MYH2: variants seen among roughly 807,000 people sequenced by gnomAD.
MYH2 encodes myosin heavy chain 2.
In MYH2, 139 loss-of-function variants were observed where a neutral mutation model predicts 228.1. That is an observed-to-expected ratio of 0.61 (90% CI 0.53 to 0.70). The LOEUF (loss-of-function observed/expected upper bound fraction) is 0.70. Ranked by LOEUF, MYH2 falls within the 30% of genes least tolerant of loss-of-function variation. MYH2 has a pLI of 0.00. For synonymous variants in MYH2, 796 were observed against 871.1 expected (o/e 0.91, Z 1.52); for missense variants, 1,809 against 2,357.5 (o/e 0.77, Z 4.82).
Position 10,539,271 on chromosome 17 carries a change from C to T in MYH2, c.1350G>A (p.Leu450=). ...AGTACTGCCTGGGCTGCTTGGTGTC[C>T]AGCTGCTGGTTGATGCGGGCAACCA... ...LWMVARINQQ[L]DTKQPRQYFI... The change falls in exon 14 of 40, where the codon CTG becomes CTA. Residue 450 remains leucine, a synonymous_variant. Coordinates refer to ENST00000245503, the MANE Select transcript of MYH2 (RefSeq NM_017534.6). The T allele has an allele frequency of 1.4e-5, 22 of 1,614,170 alleles. No homozygotes were observed. Among genetic ancestry groups the T allele is most frequent in the Non-Finnish European group, 1.9e-5 (22 of 1,180,022 alleles).
Position 10,545,263 on chromosome 17 carries a change from T to C in MYH2, c.505+83A>G, listed in dbSNP as rs2073612279. On this transcript the variant is annotated intron_variant, in intron 5 of 39. Coordinates refer to ENST00000245503, the MANE Select transcript of MYH2 (RefSeq NM_017534.6). The stretch of plus-strand genomic sequence containing the variant: ...AACTAAAAGGGACGATCTCAAGGAA[T>C]GTGTTGAGATTGCCTCGAGTCTCTT... The C allele has an allele frequency of 2.1e-5, 33 of 1,608,116 alleles. No homozygotes were observed. In the South Asian group the frequency reaches 3.6e-4, roughly 18 times the overall value.
chr17:10,525,547 G>C lies in MYH2; in HGVS notation c.4441C>G (p.Arg1481Gly). Residue 1481 changes from arginine (R) to glycine (G), a missense_variant, in exon 32 of 40, where the codon CGT becomes GGT. Transcript: ENST00000245503. This position sits in a 1 kb window ranked among gnomAD's most constrained non-coding sequence, Gnocchi z 4.2. ...AELEASQKEA[R>G]SLGTELFKIK... ...TTGAACAGCTCAGTGCCAAGGGAAC[G>C]GGCCTCCTTCTGGGAGGCCTCAAGC... 1.9e-6 allele frequency: 3 copies of C among 1,614,124 alleles called. No homozygotes were observed. Among genetic ancestry groups the C allele is most frequent in the Non-Finnish European group, 2.5e-6 (3 of 1,180,002 alleles).
At chr17:10,532,076 T>G (rs2073431745) in intron 21 of MYH2, among the ~76,000 whole-genome samples, 188 bp from the exon 22 acceptor site, 1 of 152,176 alleles carries the variant, frequency 6.6e-6, no homozygotes, top group African/African-American at 2.4e-5. Context: ...CATCACTGCT[T>G]CTCAAACTTT....
intron 39 of MYH2, among the ~76,000 whole-genome samples, chr17:10,522,172 T>G (rs2073292599): frequency 6.6e-6 from 1 of 152,188 alleles, no homozygotes; most frequent in African/African-American, 2.4e-5. Flanking sequence ...AACAGCTACA[T>G]AGCTGGGGGA....
rs186562411 is a variant in MYH2, at chr17:10,524,304, A to G, written c.5175+162T>C. ...AAATCAACAATAGTTTTTCAAAGCAAAACAGTGAAAGATTTCTCAGTAATG... is the reference window on the plus strand; with the variant it reads ...AAATCAACAATAGTTTTTCAAAGCAGAACAGTGAAAGATTTCTCAGTAATG... On this transcript the variant is annotated intron_variant, in intron 35 of 39. Coordinates refer to ENST00000245503, the MANE Select transcript of MYH2 (RefSeq NM_017534.6). The surrounding 1 kb of genome is among the most constrained non-coding windows in gnomAD (Gnocchi z 4.7). Among the ~76,000 whole-genome samples the G allele has an allele frequency of 3.4e-3, 515 of 152,362 alleles. 4 individuals are homozygous for G. The highest frequency in any genetic ancestry group is 0.012 in the African/African-American group (495 of 41,586).
At chr17:10,543,566 A>G in intron 8 of MYH2, 145 bp downstream of exon 8, 1 of 1,249,140 alleles carries the variant, frequency 8.0e-7, no homozygotes, top group Admixed American at 2.0e-5. Flanking sequence ...TGGGGCTTTG[A>G]TCTATGTTAT....
rs1028373681 is a variant in MYH2, at chr17:10,521,358, A to G, written c.5748T>C (p.Ala1916=). ...TGTTCACCTGGGACTCAGCAATGTC[A>G]GCCCGTTCCTCGGCCTCCTCCAGCT... ...QHELEEAEER[A]DIAESQVNKL... is the part of the protein sequence containing the mutation. Residue 1916 remains alanine (A), a synonymous_variant, in exon 40 of 40, where the codon GCT becomes GCC. Transcript: ENST00000245503. 1 of 1,614,022 alleles carries G rather than the reference A, an allele frequency of 6.2e-7. No homozygotes were observed. The highest frequency in any genetic ancestry group is 8.5e-7 in the Non-Finnish European group (1 of 1,180,038).
In MYH2 at chr17:10,537,351, A is replaced by C; in HGVS notation, c.1779T>G (p.Ile593Met). The C allele has an allele frequency of 1.2e-6, 2 of 1,614,196 alleles. No homozygotes were observed. Among genetic ancestry groups the C allele is most frequent in the Non-Finnish European group, 1.7e-6 (2 of 1,180,036 alleles). The change falls in exon 16 of 40, where the codon ATT becomes ATG. Residue 593 changes from isoleucine (I) to methionine (M), a missense_variant. Ile to Met is a conservative substitution (Grantham distance 10, BLOSUM62 1). Transcript: ENST00000245503. The surrounding 1 kb of genome is among the most constrained non-coding windows in gnomAD (Gnocchi z 4.0). The stretch of plus-strand genomic sequence containing the variant: ...CCTTGTTCTTCTCCAGCCAGCCAGT[A>C]ATGTTGTAGTCCACAACACCAGCAT... ...IHYAGVVDYN[I>M]TGWLEKNKDP...
Position 10,539,935 on chromosome 17 carries a change from G to A in MYH2, c.1140C>T (p.Gly380=). Residue 380 remains glycine (G), a synonymous_variant, in exon 12 of 40, where the codon GGC becomes GGT. Transcript: ENST00000245503. ...KQREEQAEPD[G]TEVADKAAYL... is the part of the protein sequence containing the mutation. ...GAGTGACTTAGTTGATACCTTCTGTGCCATCTGGCTCTGCTTGCTCCTCAC... is the reference window on the plus strand; with the variant it reads ...GAGTGACTTAGTTGATACCTTCTGTACCATCTGGCTCTGCTTGCTCCTCAC... The A allele has an allele frequency of 6.2e-7, 1 of 1,613,950 alleles. No individual in the cohort carries two copies. Among genetic ancestry groups the A allele is most frequent in the Non-Finnish European group, 8.5e-7 (1 of 1,179,960 alleles).
chr17:10,547,814 G>A lies in MYH2; in HGVS notation c.107C>T (p.Thr36Ile). 1 of 1,614,178 alleles carries A rather than the reference G, an allele frequency of 6.2e-7. No individual in the cohort carries two copies. The highest frequency in any genetic ancestry group is 1.6e-4 in the Middle Eastern group (1 of 6,062). The change falls in exon 3 of 40, where the codon ACA becomes ATA. Residue 36 changes from threonine to isoleucine, a missense_variant. By Grantham distance (89) the Thr-to-Ile change is moderately conservative. Transcript: ENST00000245503. ...TTTGGGCTCCGCCACAAAGACAGATGTTTTGGCATCAAAGGGCCTATTCTG... is the reference window on the plus strand; with the variant it reads ...TTTGGGCTCCGCCACAAAGACAGATATTTTGGCATCAAAGGGCCTATTCTG... Reference protein sequence around the residue: ...EAQNRPFDAKTSVFVAEPKES... With the variant: ...EAQNRPFDAKISVFVAEPKES...
chr17:10,528,593 T>C (rs1194074200), intron 27 of MYH2, 97 bp downstream of exon 27: 5 of 1,568,630 alleles, frequency 3.2e-6, no homozygotes, highest in African/African-American at 1.4e-5. Context: ...ATTACTGCAG[T>C]TAACAAATGA....
chr17:10,537,124 A>T lies in MYH2; in HGVS notation c.1897+109T>A. On this transcript the variant is annotated intron_variant, in intron 16 of 39. Coordinates refer to ENST00000245503, the MANE Select transcript of MYH2 (RefSeq NM_017534.6). The surrounding 1 kb of genome is among the most constrained non-coding windows in gnomAD (Gnocchi z 4.0). Reference sequence around the variant, plus strand: ...GCCTATCTATTCAATACTTGGAGGAACCAGGGGCTTGGTCTGCAACCCTTC... The same window carrying T: ...GCCTATCTATTCAATACTTGGAGGATCCAGGGGCTTGGTCTGCAACCCTTC... 2 of 1,433,030 alleles carry T rather than the reference A, an allele frequency of 1.4e-6. No homozygotes were observed. Among genetic ancestry groups the T allele is most frequent in the East Asian group, 4.5e-5 (2 of 44,032 alleles). The allele number at this position is 1,433,030 out of a possible 1,614,324, so 88.8% of individuals were successfully genotyped here.
chr17:10,540,527 ATATT>A (rs1241020868), intron 11 of MYH2, 63 bp downstream of exon 11: 2 of 1,338,422 alleles, frequency 1.5e-6, no homozygotes, highest in East Asian at 2.3e-5. Context: ...TAGACACTGA[ATATT>A]TATCTGGATC....
Position 10,537,448 on chromosome 17 carries a change from C to G in MYH2, c.1682G>C (p.Gly561Ala). 1 of 1,614,168 alleles carries G rather than the reference C, an allele frequency of 6.2e-7. No homozygotes were observed. The highest frequency in any genetic ancestry group is 8.5e-7 in the Non-Finnish European group (1 of 1,180,044). ...FKNKLYDQHL[G>A]KSANFQKPKV... ...GGGCTTCTGGAAGTTGGCAGACTTG[C>G]CCAGGTGCTGGTCATACAGCTTGTT... Residue 561 changes from glycine to alanine, a missense_variant, in exon 16 of 40, where the codon GGC becomes GCC. Physicochemically the swap from Gly to Ala is moderately conservative, Grantham distance 60 (BLOSUM62 0). Coordinates refer to ENST00000245503, the MANE Select transcript of MYH2 (RefSeq NM_017534.6). The surrounding 1 kb of genome is among the most constrained non-coding windows in gnomAD (Gnocchi z 4.0).
intron 14 of MYH2, 167 bp from the exon 15 acceptor site, chr17:10,538,002 T>G: frequency 5.4e-6 from 7 of 1,286,478 alleles, no homozygotes; most frequent in Non-Finnish European, 7.4e-6. Flanking sequence ...ATGGAAGGTT[T>G]GAGGGCATGT....
In MYH2 at chr17:10,525,175, T is replaced by C. The variant is rs1360113483; in HGVS notation, c.4662+49A>G. The C allele has an allele frequency of 6.8e-6, 11 of 1,613,708 alleles. No individual in the cohort carries two copies. The highest frequency in any genetic ancestry group is 9.3e-6 in the Non-Finnish European group (11 of 1,179,884). On this transcript the variant is annotated intron_variant, in intron 33 of 39. Transcript: ENST00000245503. The surrounding 1 kb of genome is among the most constrained non-coding windows in gnomAD (Gnocchi z 4.2). ...TCTTTTTATTCACTCTATGCAGATGTACCTAATTATTTTCCAGATTTTTTT... is the reference window on the plus strand; with the variant it reads ...TCTTTTTATTCACTCTATGCAGATGCACCTAATTATTTTCCAGATTTTTTT...
chr17:10,548,749 G>T (rs773078691), intron 2 of MYH2, among the ~76,000 whole-genome samples: 1 of 152,086 alleles, frequency 6.6e-6, no homozygotes, highest in Non-Finnish European at 1.5e-5. Context: ...TGTTTGCTCC[G>T]TTCTATGTGA....
chr17:10,529,365 C>T lies in MYH2; in HGVS notation c.3234G>A (p.Glu1078=). The change falls in exon 25 of 40, where the codon GAG becomes GAA. Residue 1078 remains glutamate (E), a synonymous_variant. Coordinates refer to ENST00000245503, the MANE Select transcript of MYH2 (RefSeq NM_017534.6). ...TGAGCTTTTCATCAAGTTGCTGTTTCTCATTTTCAATGTCCATTATGGATT... is the reference window on the plus strand; with the variant it reads ...TGAGCTTTTCATCAAGTTGCTGTTTTTCATTTTCAATGTCCATTATGGATT... ...AQESIMDIEN[E]KQQLDEKLKK... 6.2e-7 allele frequency: 1 copy of T among 1,614,056 alleles called. No homozygotes were observed. The highest frequency in any genetic ancestry group is 8.5e-7 in the Non-Finnish European group (1 of 1,180,018).
chr17:10,546,255 TGATATATATATATATATA>T lies in MYH2; in HGVS notation c.349-771_349-754del, dbSNP rs2073627544. ...AGTTATAAGGAAACAGGACACGAAA[TGATATATATATATATATA>T]TATATATATATATATACATCATGAT... On this transcript the variant is annotated intron_variant, in intron 4 of 39. Transcript: ENST00000245503. Among the ~76,000 whole-genome samples the T allele has an allele frequency of 7.4e-5, 2 of 27,146 alleles. 1 individual carries two copies. Among genetic ancestry groups the T allele is most frequent in the South Asian group, 3.8e-3 (2 of 524 alleles). 17.8% of individuals were successfully genotyped at this position (27,146 alleles called of 152,430 possible). A position where few individuals can be genotyped will look rare whatever the true frequency, so the allele number is the denominator to read the frequency against.
Sources: allele counts gnomAD v4.1 joint callset (sites outside exome capture counted in the v4.1 genomes callset), GRCh38; gene constraint gnomAD v4.1.1; non-coding constraint Gnocchi (gnomAD v3.1); transcripts MANE v1.5; gene names NCBI Gene and HGNC (gene_info 2026-07-23, HGNC 2026-07-21).